The following NOA1 variants were observed in gnomAD, a reference collection of about 807,000 sequenced individuals.
NOA1 encodes nitric oxide associated 1, also known as nitric oxide-associated protein 1.
A neutral mutation model predicts 58.4 loss-of-function variants in NOA1; 35 were observed. The ratio of observed to expected loss-of-function variants is 0.60; its 90% CI spans 0.46 to 0.79. The LOEUF is 0.79. NOA1 is among the 30% of genes least tolerant of loss of function. The probability of loss-of-function intolerance (pLI) is 0.00; values close to 1 mark genes in which losing one functional copy is unlikely to be tolerated. For missense variants in NOA1, 895 were observed against 894.6 expected (o/e 1.00, Z -0.01); for synonymous variants, 397 against 373.4 (o/e 1.06, Z -0.73).
In NOA1 at chr4:56,969,648, G is replaced by C. The variant is rs141344818; in HGVS notation, c.1516-1133C>G. Among the ~76,000 whole-genome samples, 408 of 152,244 alleles carry C rather than the reference G, an allele frequency of 2.7e-3. 2 individuals are homozygous for C. Among genetic ancestry groups the C allele is most frequent in the African/African-American group, 9.6e-3 (397 of 41,552 alleles). On this transcript the variant is annotated intron_variant, in intron 3 of 6. Coordinates refer to ENST00000264230, the MANE Select transcript of NOA1 (RefSeq NM_032313.4). ...CAGCTCACAAAAAAATAATAAGGGGGCTGCAGATAGTTTTCTTCATTATTT... is the reference window on the plus strand; with the variant it reads ...CAGCTCACAAAAAAATAATAAGGGGCCTGCAGATAGTTTTCTTCATTATTT...
At chr4:56,974,185 C>T (rs912021014) in intron 1 of NOA1, among the ~76,000 whole-genome samples, 163 bp from the exon 2 acceptor site, 5 of 152,150 alleles carry the variant, frequency 3.3e-5, no homozygotes, top group African/African-American at 1.2e-4. Flanking sequence ...CAGGGGAAAC[C>T]AGAATTGGAA....
intron 5 of NOA1, 95 bp downstream of exon 5, chr4:56,966,525 A>G: frequency 1.3e-6 from 1 of 745,720 alleles, no homozygotes; most frequent in South Asian, 1.8e-5. Context: ...GATATTGTAT[A>G]ACAGTTCTGT....
Position 56,963,542 on chromosome 4 carries a change from G to T in NOA1, c.2005C>A (p.Gln669Lys). ...LLPYIVNIKG[Q>K]RIKKSVAYKT... is the part of the protein sequence containing the mutation. The stretch of plus-strand genomic sequence containing the variant: ...TAGGCCACACTTTTCTTGATGCGCT[G>T]TCCTTTGATGTTAACAATATATGGC... Residue 669 changes from glutamine (Q) to lysine (K), a missense_variant, in exon 7 of 7, where the codon CAG (glutamine) becomes AAG (lysine). Physicochemically the swap from Gln to Lys is moderately conservative, Grantham distance 53. This residue lies in a region of NOA1 where 212 missense variants were observed against 221.3 expected (regional missense o/e 0.96). Coordinates refer to ENST00000264230, the MANE Select transcript of NOA1 (RefSeq NM_032313.4). 1 of 1,614,038 alleles carries T rather than the reference G, an allele frequency of 6.2e-7. No homozygotes were observed. The highest frequency in any genetic ancestry group is 1.1e-5 in the South Asian group (1 of 91,072).
intron 3 of NOA1, among the ~76,000 whole-genome samples, chr4:56,970,087 C>T (rs1365257925): frequency 6.6e-6 from 1 of 152,022 alleles, no homozygotes; most frequent in Non-Finnish European, 1.5e-5. Flanking sequence ...CCCAGCTGAG[C>T]TCAGGAGTTT....
chr4:56,976,013 C>T (rs1721913701), intron 1 of NOA1, among the ~76,000 whole-genome samples: 1 of 152,230 alleles, frequency 6.6e-6, no homozygotes, highest in Non-Finnish European at 1.5e-5. Flanking sequence ...CGCCACTGCA[C>T]TCCAGCCTGG....
intron 1 of NOA1, 67 bp from the exon 2 acceptor site, chr4:56,974,089 A>ACCACC: frequency 1.0e-6 from 1 of 997,808 alleles, no homozygotes; most frequent in Non-Finnish European, 1.4e-6. Context: ...AACATTTTTG[A>ACCACC]GGATCTACAC....
chr4:56,974,770 T>C (rs911148312), intron 1 of NOA1, among the ~76,000 whole-genome samples: 3 of 151,428 alleles, frequency 2.0e-5, no homozygotes, highest in African/African-American at 4.8e-5. Flanking sequence ...TGGAGTGCAG[T>C]GGTGTGATCT....
rs1269620407 is a variant in NOA1, at chr4:56,977,511, A to C, written c.75T>G (p.His25Gln). 9.3e-6 allele frequency: 15 copies of C among 1,613,380 alleles called. No individual in the cohort carries two copies. Among genetic ancestry groups the C allele is most frequent in the Non-Finnish European group, 1.3e-5 (15 of 1,179,866 alleles). Reference protein sequence around the residue: ...LRGSAPTAARHGLREPLLERR... With the variant: ...LRGSAPTAARQGLREPLLERR... ...TCTCCAGGAGCGGCTCCCGGAGGCCATGGCGCGCTGCCGTGGGAGCGGATC... is the reference window on the plus strand; with the variant it reads ...TCTCCAGGAGCGGCTCCCGGAGGCCCTGGCGCGCTGCCGTGGGAGCGGATC... Residue 25 changes from histidine (H) to glutamine (Q), a missense_variant, in exon 1 of 7, where the codon CAT becomes CAG. Coordinates refer to ENST00000264230, the MANE Select transcript of NOA1 (RefSeq NM_032313.4).
chr4:56,972,799 C>T (rs1442801101), intron 3 of NOA1, among the ~76,000 whole-genome samples: 1 of 152,146 alleles, frequency 6.6e-6, no homozygotes, highest in African/African-American at 2.4e-5. Flanking sequence ...TGGTTGTCAG[C>T]AATGAAGTCT....
intron 5 of NOA1, among the ~76,000 whole-genome samples, chr4:56,964,839 T>C (rs1442569791): frequency 6.6e-6 from 1 of 152,138 alleles, no homozygotes. Context: ...CTCACATAGA[T>C]TAATGTTGGG....
chr4:56,974,862 CG>C (rs1297869400), intron 1 of NOA1, among the ~76,000 whole-genome samples: 1 of 151,062 alleles, frequency 6.6e-6, no homozygotes, highest in African/African-American at 2.4e-5. Context: ...CTACCAAACC[CG>C]GCTAAGTTTT....
At chr4:56,966,578 G>T in intron 5 of NOA1, 42 bp downstream of exon 5, 1 of 1,174,560 alleles carries the variant, frequency 8.5e-7, no homozygotes, top group Non-Finnish European at 1.3e-6. Context: ...CCATCCCAGT[G>T]TATACTAACC....
chr4:56,973,763 A>G (rs1231089299), intron 2 of NOA1, 95 bp downstream of exon 2: 2 of 1,282,634 alleles, frequency 1.6e-6, no homozygotes, highest in Admixed American at 4.2e-5. Context: ...CTCTCCCCAC[A>G]AAAACTGGCT....
chr4:56,966,540 C>G, intron 5 of NOA1, 80 bp downstream of exon 5: 1 of 828,902 alleles, frequency 1.2e-6, no homozygotes, highest in Non-Finnish European at 2.0e-6. Context: ...TTCTGTACAA[C>G]AAAGGCTTTC....
intron 2 of NOA1, among the ~76,000 whole-genome samples, chr4:56,973,651 T>G (rs558585334): frequency 1.3e-5 from 2 of 152,156 alleles, no homozygotes; most frequent in African/African-American, 2.4e-5. Context: ...AATCTAAAGC[T>G]GCTGCATGGA....
rs755807979 is a variant in NOA1, at chr4:56,977,532, G to C, written c.54C>G (p.Ser18=). The change falls in exon 1 of 7, where the codon TCC becomes TCG. Residue 18 remains serine, a synonymous_variant. Transcript: ENST00000264230. ...GGCCATGGCGCGCTGCCGTGGGAGC[G>C]GATCCACGAAGGAAAAGGCTCAGCA... The part of the protein sequence containing the change: ...FRLLSLFLRG[S]APTAARHGLR... 1.2e-6 allele frequency: 2 copies of C among 1,612,240 alleles called. No homozygotes were observed. The highest frequency in any genetic ancestry group is 1.7e-6 in the Non-Finnish European group (2 of 1,179,494).
At chr4:56,968,988 C>T (rs1721765572) in intron 3 of NOA1, among the ~76,000 whole-genome samples, 1 of 152,192 alleles carries the variant, frequency 6.6e-6, no homozygotes, top group Non-Finnish European at 1.5e-5. Context: ...AGTAAAGTGG[C>T]TGAAGAACCT....
Position 56,964,430 on chromosome 4 carries a change from C to T in NOA1, c.1861G>A (p.Ala621Thr), listed in dbSNP as rs1015009886. The change falls in exon 6 of 7, where the codon GCC (alanine) becomes ACC (threonine). Residue 621 changes from alanine to threonine, a missense_variant. Physicochemically the swap from Ala to Thr is moderately conservative, Grantham distance 58. Transcript: ENST00000264230. The part of the protein sequence containing the change: ...KEGLGASEAV[A>T]DIKFSSAGWV... The stretch of plus-strand genomic sequence containing the variant: ...CCTGCAGAGGAAAACTTGATGTCGG[C>T]CACTGCTTCAGATGCCCCCAGTCCT... 1 of 1,614,086 alleles carries T rather than the reference C, an allele frequency of 6.2e-7. No homozygotes were observed. The highest frequency in any genetic ancestry group is 2.2e-5 in the East Asian group (1 of 44,876).
Position 56,977,048 on chromosome 4 carries a change from G to C in NOA1, c.538C>G (p.Gln180Glu). 1 of 1,584,432 alleles carries C rather than the reference G, an allele frequency of 6.3e-7. No homozygotes were observed. The highest frequency in any genetic ancestry group is 8.5e-7 in the Non-Finnish European group (1 of 1,170,624). ...ADGGLARTVC[Q>E]RCWLLSHHRR... ...TGGTGCGACAGCAGCCAGCAGCGCT[G>C]GCACACGGTCCGTGCCAGCCCGCCG... Residue 180 changes from glutamine (Q) to glutamate (E), a missense_variant, in exon 1 of 7, where the codon CAG becomes GAG. By Grantham distance (29) the Gln-to-Glu change is conservative. Around this residue, in one of 3 missense-constraint regions of NOA1, gnomAD observed 680 missense variants for 656.5 expected, o/e 1.04. Transcript: ENST00000264230.
Sources: gnomAD v4.1 joint callset for allele counts (sites outside exome capture counted in the v4.1 genomes callset) on GRCh38, gnomAD v4.1.1 for gene constraint, gnomAD v4.1.1 regional missense constraint, MANE v1.5 for transcripts, NCBI Gene and HGNC (gene_info 2026-07-23, HGNC 2026-07-21) for gene names.